NBEA: variants seen among roughly 807,000 people sequenced by gnomAD.
The protein encoded by NBEA is neurobeachin.
A neutral mutation model predicts 343.4 loss-of-function variants in NBEA; 44 were observed. The ratio of observed to expected loss-of-function variants is 0.13; its 90% CI spans 0.10 to 0.16. The LOEUF (loss-of-function observed/expected upper bound fraction) is 0.16, where lower values mean the gene tolerates loss of function less well. Ranked by LOEUF, NBEA falls within the 10% of genes least tolerant of loss-of-function variation. NBEA has a pLI of 1.00. For missense variants in NBEA, 2,555 were observed against 3,631.3 expected, an observed-to-expected ratio of 0.70 and a Z score of 7.62; for synonymous variants, 1,175 against 1,238.7, an observed-to-expected ratio of 0.95 and a Z score of 1.08.
intron 1 of NBEA, 94 bp downstream of exon 1, chr13:34,943,208 A>G (rs982855944): frequency 2.0e-6 from 3 of 1,476,734 alleles, no homozygotes; most frequent in Non-Finnish European, 2.7e-6. Flanking sequence ...CCAGGGTCAC[A>G]CGCGCCGCGC....
chr13:35,572,674 G>A (rs1251134055), intron 45 of NBEA, among the ~76,000 whole-genome samples: 1 of 152,024 alleles, frequency 6.6e-6, no homozygotes, highest in Non-Finnish European at 1.5e-5. Context: ...TATTGGTAAG[G>A]TGGGGAATGC....
intron 41 of NBEA, among the ~76,000 whole-genome samples, chr13:35,530,962 A>T (rs1028277657): frequency 2.0e-5 from 3 of 152,210 alleles, no homozygotes; most frequent in Non-Finnish European, 4.4e-5. Flanking sequence ...GCCTGTGTTC[A>T]TAGGCTTCGA....
At chr13:35,157,508 A>T (rs554201260) in intron 21 of NBEA, among the ~76,000 whole-genome samples, 16 of 152,288 alleles carry the variant, frequency 1.1e-4, no homozygotes, top group Admixed American at 5.2e-4. Context: ...GCTGACATAC[A>T]TCTGTTTTAT....
chr13:34,992,279 G>T (rs1470120972), intron 1 of NBEA, among the ~76,000 whole-genome samples: 2 of 139,990 alleles, frequency 1.4e-5, no homozygotes, highest in Admixed American at 7.5e-5. Context: ...TTTTTAGACA[G>T]AGTCTAGCTC....
At chr13:35,469,160 A>C (rs904504189) in intron 40 of NBEA, among the ~76,000 whole-genome samples, 3 of 151,366 alleles carry the variant, frequency 2.0e-5, no homozygotes, top group East Asian at 3.9e-4. Flanking sequence ...GCATATTATT[A>C]AGATTTCTGT....
intron 40 of NBEA, among the ~76,000 whole-genome samples, chr13:35,469,062 T>C (rs1428937646): frequency 7.9e-6 from 1 of 127,264 alleles, no homozygotes; most frequent in East Asian, 2.3e-4. Context: ...ATTGAGCCAT[T>C]GCACTCCAGC....
intron 41 of NBEA, among the ~76,000 whole-genome samples, chr13:35,528,221 A>T (rs1314557105): frequency 6.6e-6 from 1 of 152,168 alleles, no homozygotes; most frequent in Non-Finnish European, 1.5e-5. Flanking sequence ...ACTCACATAG[A>T]TTTTCAGAAA....
intron 39 of NBEA, among the ~76,000 whole-genome samples, chr13:35,434,042 CATATT>C (rs763163586): frequency 1.9e-4 from 29 of 152,114 alleles, no homozygotes; most frequent in Non-Finnish European, 3.5e-4. Flanking sequence ...GTACAGAATT[CATATT>C]ATATTACATT....
At chr13:35,182,677 A>C (rs889293006) in intron 29 of NBEA, 149 bp downstream of exon 29, 1 of 715,176 alleles carries the variant, frequency 1.4e-6, no homozygotes, top group Non-Finnish European at 2.2e-6. Context: ...GTATTCCTTA[A>C]TTCAACAAAA....
chr13:35,290,562 C>T, intron 35 of NBEA, 112 bp downstream of exon 35: 1 of 671,974 alleles, frequency 1.5e-6, no homozygotes, highest in Non-Finnish European at 2.5e-6. Flanking sequence ...AAATTTCCAT[C>T]TATTATCCCA....
intron 34 of NBEA, among the ~76,000 whole-genome samples, chr13:35,254,357 C>G (rs1280624420): frequency 2.8e-5 from 4 of 140,622 alleles, no homozygotes; most frequent in Admixed American, 7.4e-5. Flanking sequence ...CAGGGTCTTA[C>G]TCTGTTAACA....
At chr13:35,634,555 G>T (rs1005651744) in intron 49 of NBEA, among the ~76,000 whole-genome samples, 2 of 152,124 alleles carry the variant, frequency 1.3e-5, no homozygotes, top group African/African-American at 4.8e-5. Context: ...TATAGTTGAC[G>T]TTGCCAGACT....
intron 36 of NBEA, among the ~76,000 whole-genome samples, chr13:35,321,674 A>T (rs1409887563): frequency 2.7e-5 from 4 of 147,518 alleles, no homozygotes; most frequent in African/African-American, 1.1e-4. Context: ...GGAACATTTA[A>T]GTCTGCTGAA....
chr13:35,018,851 A>G (rs1928527), intron 1 of NBEA, among the ~76,000 whole-genome samples: 1 of 152,188 alleles, frequency 6.6e-6, no homozygotes, highest in Non-Finnish European at 1.5e-5. Context: ...GCAGTCATTC[A>G]CCATTAAGTA....
Position 35,654,932 on chromosome 13 carries a change from G to T in NBEA, c.8113G>T (p.Val2705Leu), listed in dbSNP as rs745730425. The T allele has an allele frequency of 2.5e-6, 4 of 1,589,426 alleles. No individual in the cohort carries two copies. The highest frequency in any genetic ancestry group is 1.9e-5 in the Admixed American group (1 of 54,022). The stretch of plus-strand genomic sequence containing the variant: ...TATACAAATCAATGCACATTGTTTT[G>T]TGGTAACAGCAGATAATCGCTATAT... ...QSIQINAHCF[V>L]VTADNRYILI... is the part of the protein sequence containing the mutation. The change falls in exon 54 of 59, where the codon GTG becomes TTG. Residue 2705 changes from valine to leucine, a missense_variant. Val to Leu is a conservative substitution (Grantham distance 32, BLOSUM62 1). This residue lies in a region of NBEA where 39 missense variants were observed against 37.9 expected (regional missense o/e 1.03). Transcript: ENST00000379939.
chr13:34,986,474 A>G (rs1593369898), intron 1 of NBEA, among the ~76,000 whole-genome samples: 1 of 151,028 alleles, frequency 6.6e-6, no homozygotes, highest in African/African-American at 2.4e-5. Flanking sequence ...CAATTTTGGA[A>G]TAAGTGCGAC....
intron 38 of NBEA, among the ~76,000 whole-genome samples, chr13:35,429,774 T>C (rs1174977237): frequency 6.7e-6 from 1 of 149,704 alleles, no homozygotes; most frequent in East Asian, 2.0e-4. Flanking sequence ...CTCACCCACC[T>C]CCCACCCTTT....
intron 38 of NBEA, among the ~76,000 whole-genome samples, chr13:35,390,834 TC>T (rs2042466379): frequency 6.6e-6 from 1 of 152,200 alleles, no homozygotes; most frequent in Non-Finnish European, 1.5e-5. Context: ...TTGTATTATC[TC>T]CTTTTTTATA....
chr13:35,152,464 C>CT (rs1038119346), intron 18 of NBEA, among the ~76,000 whole-genome samples: 56 of 151,804 alleles, frequency 3.7e-4, no homozygotes, highest in African/African-American at 7.5e-4. Flanking sequence ...AATAGTTTGC[C>CT]TTTTTTTTAA....
Sources: gnomAD v4.1 joint callset for allele counts (sites outside exome capture counted in the v4.1 genomes callset) on GRCh38, gnomAD v4.1.1 for gene constraint, gnomAD v4.1.1 regional missense constraint, MANE v1.5 for transcripts, NCBI Gene and HGNC (gene_info 2026-07-23, HGNC 2026-07-21) for gene names.